Variants in VSTM2B observed in about 807,000 individuals in gnomAD.
VSTM2B encodes V-set and transmembrane domain containing 2B, also known as V-set and transmembrane domain-containing protein 2B.
VSTM2B carries 24 observed loss-of-function variants against 24.0 expected under a neutral mutation model. The ratio of observed to expected loss-of-function variants is 1.00; its 90% CI spans 0.72 to 1.40. The LOEUF (loss-of-function observed/expected upper bound fraction) is 1.40. VSTM2B is among the 40% of genes most tolerant of loss of function. The pLI, the probability that VSTM2B is intolerant of heterozygous loss-of-function variation, is 0.00. For synonymous variants in VSTM2B, 226 were observed against 194.4 expected (o/e 1.16, Z -1.35); for missense variants, 399 against 416.4 (o/e 0.96, Z 0.36).
Position 29,526,116 on chromosome 19 carries a change from A to C in VSTM2B, c.-468A>C, listed in dbSNP as rs1178032891. 1.3e-5 allele frequency among the ~76,000 whole-genome samples: 2 copies of C among 151,682 alleles called. No homozygotes were observed. Among genetic ancestry groups the C allele is most frequent in the African/African-American group, 4.8e-5 (2 of 41,298 alleles). On this transcript the variant is annotated 5_prime_UTR_variant, in exon 1 of 5. Transcript: ENST00000335523. This position sits in a 1 kb window ranked among gnomAD's most constrained non-coding sequence, Gnocchi z 4.1. Reference sequence around the variant, plus strand: ...CGCCCTGCGGAAAGAGCCGCGGAGGAACCGGCGGGGGCGGCTGCGGGAGCC... The same window carrying C: ...CGCCCTGCGGAAAGAGCCGCGGAGGCACCGGCGGGGGCGGCTGCGGGAGCC...
chr19:29,539,096 A>G (rs932819077), intron 4 of VSTM2B, among the ~76,000 whole-genome samples: 1 of 152,104 alleles, frequency 6.6e-6, no homozygotes. Context: ...CCACATCCCC[A>G]TACTAGTCTG....
At chr19:29,528,326 C>A in intron 2 of VSTM2B, 107 bp from the exon 3 acceptor site, 1 of 1,435,946 alleles carries the variant, frequency 7.0e-7, no homozygotes, top group Non-Finnish European at 9.6e-7. Flanking sequence ...CGGGCGGTTT[C>A]GGTCCTAGCC....
intron 4 of VSTM2B, among the ~76,000 whole-genome samples, chr19:29,549,803 C>A (rs997793758): frequency 3.3e-5 from 5 of 152,228 alleles, no homozygotes; most frequent in Non-Finnish European, 7.3e-5. Context: ...TGTACACTGG[C>A]CCCAGGAAGC....
rs1015764023 is a variant in VSTM2B at position 29,533,899 on chromosome 19, C to T, written c.769+3609C>T. On this transcript the variant is annotated intron_variant, in intron 4 of 4. Coordinates refer to ENST00000335523, the MANE Select transcript of VSTM2B (RefSeq NM_001146339.2). ...AGCAGCCTGAGCTGCAGAGGGAGCT[C>T]GGGGCAGACGACCTTGGGCCTTGCC... Among the ~76,000 whole-genome samples, 10 of 152,300 alleles carry T rather than the reference C, an allele frequency of 6.6e-5. No individual in the cohort carries two copies. In the South Asian group the frequency reaches 1.0e-3, roughly 16 times the overall value.
chr19:29,541,183 A>ATCCTAAGAG (rs1254936133), intron 4 of VSTM2B, among the ~76,000 whole-genome samples: 1 of 152,238 alleles, frequency 6.6e-6, no homozygotes, highest in Non-Finnish European at 1.5e-5. Flanking sequence ...CTTTGACTTT[A>ATCCTAAGAG]TCCTAAGAGC....
Position 29,527,414 on chromosome 19 carries a change from G to C in VSTM2B, c.267+19G>C, listed in dbSNP as rs531202685. 6 of 1,465,512 alleles carry C rather than the reference G, an allele frequency of 4.1e-6. No homozygotes were observed. The African/African-American group carries it at 8.9e-5, about 22-fold the overall frequency. The allele number at this position is 1,465,512 out of a possible 1,614,324, so 90.8% of individuals were successfully genotyped here. ...GAGCAAGGTAACCCGCCGCCCACGC[G>C]GTACCGGCGCGCGCCCGGCTCGCGC... On this transcript the variant is annotated intron_variant, in intron 2 of 4. Transcript: ENST00000335523.
intron 4 of VSTM2B, among the ~76,000 whole-genome samples, chr19:29,563,527 T>G (rs1309807198): frequency 1.3e-5 from 2 of 152,066 alleles, no homozygotes; most frequent in African/African-American, 4.8e-5. Flanking sequence ...ACAGGCATAA[T>G]CAACCACACC....
At chr19:29,531,648 G>A (rs1348821807) in intron 4 of VSTM2B, among the ~76,000 whole-genome samples, 2 of 152,188 alleles carry the variant, frequency 1.3e-5, no homozygotes, top group Non-Finnish European at 2.9e-5. Context: ...CATCCGTCTT[G>A]GATGCCACAC....
intron 4 of VSTM2B, among the ~76,000 whole-genome samples, chr19:29,563,283 C>G (rs139214458): frequency 6.6e-6 from 1 of 150,458 alleles, no homozygotes; most frequent in African/African-American, 2.4e-5. Flanking sequence ...GACAGAGTCT[C>G]ACTCTGTCTC....
At chr19:29,527,168 G>A in intron 1 of VSTM2B, 43 bp from the exon 2 acceptor site, 2 of 1,514,132 alleles carry the variant, frequency 1.3e-6, no homozygotes, top group Non-Finnish European at 1.8e-6. Context: ...CCAGGCCCCC[G>A]ACCTACAGCT....
chr19:29,530,261 C>A lies in VSTM2B; in HGVS notation c.740C>A (p.Ala247Glu), dbSNP rs1429976243. ...TCAGCGTCGCCGCCATCGGGACAGG[C>A]GGTCCTGCTGCGCCAGAGGCACGGC... Reference protein sequence around the residue: ...ASSASPPSGQAVLLRQRHGSG... With the variant: ...ASSASPPSGQEVLLRQRHGSG... The change falls in exon 4 of 5, where the codon GCG (alanine) becomes GAG (glutamate). Residue 247 changes from alanine (A) to glutamate (E), a missense_variant. By Grantham distance (107) the Ala-to-Glu change is moderately radical. Coordinates refer to ENST00000335523, the MANE Select transcript of VSTM2B (RefSeq NM_001146339.2). 8 of 1,502,438 alleles carry A rather than the reference C, an allele frequency of 5.3e-6. No individual in the cohort carries two copies. Among genetic ancestry groups the A allele is most frequent in the South Asian group, 3.7e-5 (3 of 80,974 alleles). The allele number at this position is 1,502,438 out of a possible 1,614,324, so 93.1% of individuals were successfully genotyped here. A position where few individuals can be genotyped will look rare whatever the true frequency, so the allele number is the denominator to read the frequency against.
Position 29,547,778 on chromosome 19 carries a change from G to A in VSTM2B, c.770-16068G>A, listed in dbSNP as rs150129925. Among the ~76,000 whole-genome samples, 921 of 152,240 alleles carry A rather than the reference G, an allele frequency of 6.0e-3. 6 individuals carry two copies. The highest frequency in any genetic ancestry group is 0.021 in the African/African-American group (871 of 41,526). ...CAGGGAGGGCTGCCTGGAGGAGGCA[G>A]CATCTAGACAAAGGAAAAGTAGGGG... On this transcript the variant is annotated intron_variant, in intron 4 of 4. Transcript: ENST00000335523.
At chr19:29,556,508 A>G (rs1012865905) in intron 4 of VSTM2B, among the ~76,000 whole-genome samples, 1 of 152,240 alleles carries the variant, frequency 6.6e-6, no homozygotes, top group South Asian at 2.1e-4. Flanking sequence ...ACTCCTATTC[A>G]CCATAGTGTT....
chr19:29,528,488 G>T (rs1295179894), intron 3 of VSTM2B, 26 bp downstream of exon 3: 1 of 1,550,532 alleles, frequency 6.4e-7, no homozygotes, highest in Admixed American at 2.0e-5. Flanking sequence ...AGCGCGGGCC[G>T]CGGGAGACCC....
rs1364734945 is a variant in VSTM2B at position 29,526,263 on chromosome 19, C to G, written c.-321C>G. On this transcript the variant is annotated 5_prime_UTR_variant, in exon 1 of 5. Transcript: ENST00000335523. This position sits in a 1 kb window ranked among gnomAD's most constrained non-coding sequence, Gnocchi z 4.1. ...GGCGCGGCCCAGCCCCTGCCCGGCC[C>G]GCCGGGCAGAGACTGAACCGCGGAT... Among the ~76,000 whole-genome samples the G allele has an allele frequency of 6.6e-6, 1 of 151,858 alleles. No individual in the cohort carries two copies. The highest frequency in any genetic ancestry group is 1.5e-5 in the Non-Finnish European group (1 of 67,898).
chr19:29,534,726 A>AAAAAG (rs529893147), intron 4 of VSTM2B, among the ~76,000 whole-genome samples: 6 of 148,638 alleles, frequency 4.0e-5, no homozygotes, highest in Non-Finnish European at 5.9e-5. Flanking sequence ...CAAAAAAAAA[A>AAAAAG]AAAGAAAGAA....
rs1399271235 is a variant in VSTM2B at position 29,526,544 on chromosome 19, C to A, written c.-40C>A. On this transcript the variant is annotated 5_prime_UTR_variant, in exon 1 of 5. Transcript: ENST00000335523. This position sits in a 1 kb window ranked among gnomAD's most constrained non-coding sequence, Gnocchi z 4.1. ...CGAGCCCACGCGGCCGCCGCCTCTC[C>A]GCTCCCGGGCCCCCGCCGCCACCGC... is the stretch of plus-strand genomic sequence containing the variant. 6.8e-6 allele frequency: 10 copies of A among 1,479,276 alleles called. No individual in the cohort carries two copies. Among genetic ancestry groups the A allele is most frequent in the Non-Finnish European group, 9.0e-6 (10 of 1,114,510 alleles). 91.6% of individuals were successfully genotyped at this position (1,479,276 alleles called of 1,614,324 possible).
intron 4 of VSTM2B, among the ~76,000 whole-genome samples, chr19:29,552,371 G>A (rs1031581364): frequency 6.6e-6 from 1 of 152,206 alleles, no homozygotes; most frequent in Non-Finnish European, 1.5e-5. Context: ...AGGCAACTGG[G>A]GTAACCAGGT....
chr19:29,526,837 A>G lies in VSTM2B; in HGVS notation c.82+172A>G. On this transcript the variant is annotated intron_variant, in intron 1 of 4. Transcript: ENST00000335523. This position sits in a 1 kb window ranked among gnomAD's most constrained non-coding sequence, Gnocchi z 4.1. The stretch of plus-strand genomic sequence containing the variant: ...GAGGCGAGCGGCGAAGGGTCGCCGC[A>G]GCAGCAGCGCCGCGCCCGAGTCGTT... 1.7e-6 allele frequency: 1 copy of G among 574,160 alleles called. No individual in the cohort carries two copies. Among genetic ancestry groups the G allele is most frequent in the Non-Finnish European group, 2.8e-6 (1 of 351,020 alleles). 35.6% of individuals were successfully genotyped at this position (574,160 alleles called of 1,614,324 possible).
Sources: allele counts gnomAD v4.1 joint callset (sites outside exome capture counted in the v4.1 genomes callset), GRCh38; gene constraint gnomAD v4.1.1; non-coding constraint Gnocchi (gnomAD v3.1); transcripts MANE v1.5; gene names NCBI Gene and HGNC (gene_info 2026-07-23, HGNC 2026-07-21).